The following CBFA2T2 variants were observed in gnomAD, a reference collection of about 807,000 sequenced individuals.
The protein encoded by CBFA2T2 is CBFA2/RUNX1 partner transcriptional co-repressor 2.
CBFA2T2 carries 11 observed loss-of-function variants against 62.2 expected under a neutral mutation model. That is an observed-to-expected ratio of 0.18 (90% confidence interval 0.11 to 0.29). The LOEUF is 0.29. Ranked by LOEUF, CBFA2T2 falls within the 10% of genes least tolerant of loss-of-function variation. The pLI is 1.00. For missense variants in CBFA2T2, 592 were observed against 774.1 expected (o/e 0.76, Z 2.79); for synonymous variants, 295 against 287.5 (o/e 1.03, Z -0.27).
At chr20:33,613,740 A>G (rs752081831) in intron 3 of CBFA2T2, among the ~76,000 whole-genome samples, 12 of 152,104 alleles carry the variant, frequency 7.9e-5, no homozygotes, top group Non-Finnish European at 1.6e-4. Context: ...TTTTATTTTA[A>G]ACCTGTTTAT....
chr20:33,498,081 C>A (rs2011223282), intron 1 of CBFA2T2, among the ~76,000 whole-genome samples: 1 of 152,016 alleles, frequency 6.6e-6, no homozygotes, highest in South Asian at 2.1e-4. Context: ...AATTTTGAAA[C>A]CAGGTTATGA....
rs147652944 is a variant in CBFA2T2, at chr20:33,615,833, C to A, written c.421-3684C>A. On this transcript the variant is annotated intron_variant, in intron 3 of 10. Coordinates refer to ENST00000342704, the MANE Select transcript of CBFA2T2 (RefSeq NM_001032999.3). The stretch of plus-strand genomic sequence containing the variant: ...AAGGGACTACATAAGCAGTGAGTTC[C>A]CTAGGTTTTGTGTTTTTCTGATATA... Among the ~76,000 whole-genome samples, 737 of 152,070 alleles carry A rather than the reference C, an allele frequency of 4.8e-3. 8 individuals are homozygous for A. The highest frequency in any genetic ancestry group is 0.016 in the African/African-American group (681 of 41,442).
chr20:33,499,642 C>T (rs1448037115), intron 1 of CBFA2T2, among the ~76,000 whole-genome samples: 2 of 152,082 alleles, frequency 1.3e-5, no homozygotes, highest in African/African-American at 4.8e-5. Context: ...ATACGTCAGC[C>T]GAGTATGACT....
intron 1 of CBFA2T2, among the ~76,000 whole-genome samples, chr20:33,596,621 G>A (rs2014903378): frequency 6.6e-6 from 1 of 151,900 alleles, no homozygotes; most frequent in Non-Finnish European, 1.5e-5. Flanking sequence ...CTGCAGATCT[G>A]TACCCACTTC....
chr20:33,552,981 C>T (rs1337496864), intron 1 of CBFA2T2, among the ~76,000 whole-genome samples: 1 of 152,168 alleles, frequency 6.6e-6, no homozygotes, highest in African/African-American at 2.4e-5. Flanking sequence ...ATATAGCACA[C>T]CCCTTAACTC....
At chr20:33,627,690 A>C (rs2122348702) in intron 6 of CBFA2T2, among the ~76,000 whole-genome samples, 1 of 152,304 alleles carries the variant, frequency 6.6e-6, no homozygotes. Context: ...CTCAATATAT[A>C]CTGAAATAAA....
In CBFA2T2 at chr20:33,625,023, C is replaced by T; in HGVS notation, c.946+6C>T. The T allele has an allele frequency of 1.9e-6, 3 of 1,607,502 alleles. No individual in the cohort carries two copies. The highest frequency in any genetic ancestry group is 2.6e-6 in the Non-Finnish European group (3 of 1,174,592). On this transcript the variant is annotated splice_donor_region_variant and intron_variant, in intron 6 of 10. Coordinates refer to ENST00000342704, the MANE Select transcript of CBFA2T2 (RefSeq NM_001032999.3). The stretch of plus-strand genomic sequence containing the variant: ...TGATAGACACCACAGTCTTGGTAAG[C>T]AACCGAAGCAGCATGGTAAATTCAG...
chr20:33,494,271 ATATT>A (rs2011175483), intron 1 of CBFA2T2, among the ~76,000 whole-genome samples: 19 of 21,060 alleles, frequency 9.0e-4, no homozygotes, highest in Admixed American at 2.0e-3. Flanking sequence ...ATATATATAT[ATATT>A]TTTTTTTTTT....
intron 1 of CBFA2T2, among the ~76,000 whole-genome samples, chr20:33,497,813 G>T (rs575062906): frequency 6.6e-6 from 1 of 152,178 alleles, no homozygotes; most frequent in African/African-American, 2.4e-5. Flanking sequence ...CTCCCAAAGT[G>T]CTGGGATTAC....
At chr20:33,598,893 C>T (rs557930257) in intron 1 of CBFA2T2, among the ~76,000 whole-genome samples, 17 of 152,330 alleles carry the variant, frequency 1.1e-4, no homozygotes, top group South Asian at 4.1e-4. Context: ...CCTGACTTCC[C>T]GCAGCAGTCT....
chr20:33,557,794 A>G (rs1311180870), intron 1 of CBFA2T2, among the ~76,000 whole-genome samples: 1 of 150,252 alleles, frequency 6.7e-6, no homozygotes, highest in Non-Finnish European at 1.5e-5. Context: ...GGCGTGAACC[A>G]CTGTGCCCAG....
At position 33,613,601 on chromosome 20, in the gene CBFA2T2, A is replaced by C. The variant is rs79004865; in HGVS notation, c.420+2266A>C. ...TTTGTTGGGGCCTGGTCACATAGTC[A>C]GTCTTTGCCTAGCACCTGCCAAATT... On this transcript the variant is annotated intron_variant, in intron 3 of 10. Coordinates refer to ENST00000342704, the MANE Select transcript of CBFA2T2 (RefSeq NM_001032999.3). 6.5e-3 allele frequency among the ~76,000 whole-genome samples: 984 copies of C among 152,346 alleles called. 5 individuals carry two copies. Among genetic ancestry groups the C allele is most frequent in the African/African-American group, 0.022 (933 of 41,574 alleles).
At chr20:33,577,548 C>T (rs900944086) in intron 1 of CBFA2T2, among the ~76,000 whole-genome samples, 6 of 152,052 alleles carry the variant, frequency 3.9e-5, no homozygotes, top group African/African-American at 7.2e-5. Context: ...TGTGTATTTA[C>T]GTTCATATAT....
intron 1 of CBFA2T2, among the ~76,000 whole-genome samples, chr20:33,532,083 G>A (rs1444666595): frequency 2.0e-5 from 3 of 152,138 alleles, no homozygotes; most frequent in African/African-American, 7.2e-5. Context: ...AAGGAAACCA[G>A]AACTCTGGTG....
intron 1 of CBFA2T2, 82 bp downstream of exon 1, chr20:33,490,383 CG>C: frequency 8.4e-7 from 1 of 1,195,104 alleles, no homozygotes. Flanking sequence ...CCGAGTGCCC[CG>C]GGCGCGAGGC....
intron 1 of CBFA2T2, among the ~76,000 whole-genome samples, chr20:33,500,907 G>A (rs1457367090): frequency 6.6e-6 from 1 of 152,148 alleles, no homozygotes; most frequent in East Asian, 1.9e-4. Flanking sequence ...CAGTGAAGCA[G>A]ATGATGGCAG....
chr20:33,549,226 G>A (rs917880569), intron 1 of CBFA2T2, among the ~76,000 whole-genome samples: 1 of 151,942 alleles, frequency 6.6e-6, no homozygotes, highest in Admixed American at 6.6e-5. Flanking sequence ...GTTGGATTAA[G>A]GTGCTTGGGA....
intron 1 of CBFA2T2, among the ~76,000 whole-genome samples, chr20:33,591,826 A>T (rs2014654034): frequency 7.1e-6 from 1 of 139,974 alleles, no homozygotes; most frequent in African/African-American, 2.7e-5. Flanking sequence ...GTCCATTCTC[A>T]TGAACAATTC....
intron 1 of CBFA2T2, among the ~76,000 whole-genome samples, chr20:33,554,775 G>C (rs934366881): frequency 2.6e-5 from 4 of 151,758 alleles, no homozygotes; most frequent in African/African-American, 9.7e-5. Flanking sequence ...TTATGTGCTA[G>C]ATGAGAGATT....
Sources: gnomAD v4.1 joint callset for allele counts (sites outside exome capture counted in the v4.1 genomes callset) on GRCh38, gnomAD v4.1.1 for gene constraint, MANE v1.5 for transcripts, NCBI Gene and HGNC (gene_info 2026-07-23, HGNC 2026-07-21) for gene names.